The following CCDC148 variants were observed in gnomAD, a reference collection of about 807,000 sequenced individuals.
CCDC148 encodes the protein coiled-coil domain containing 148.
In CCDC148, 89 loss-of-function variants were observed where a neutral mutation model predicts 85.7. The observed-to-expected ratio is 1.04, with a 90% CI of 0.87 to 1.24. The LOEUF (loss-of-function observed/expected upper bound fraction) is 1.24, where lower values mean the gene tolerates loss of function less well. Among genes scored for constraint, CCDC148 ranks in the 50% most tolerant of loss-of-function variants. CCDC148 has a pLI of 0.00. For synonymous variants in CCDC148, 230 were observed against 213.9 expected (o/e 1.08, Z -0.66); for missense variants, 692 against 671.7 (o/e 1.03, Z -0.33).
chr2:158,382,412 T>C (rs967121222), intron 1 of CCDC148, among the ~76,000 whole-genome samples: 1 of 152,184 alleles, frequency 6.6e-6, no homozygotes, highest in Middle Eastern at 3.2e-3. Context: ...TGCCGACTTA[T>C]GTCTAGAAAA....
intron 1 of CCDC148, among the ~76,000 whole-genome samples, chr2:158,400,554 A>G (rs1259589990): frequency 6.6e-6 from 1 of 152,222 alleles, no homozygotes; most frequent in African/African-American, 2.4e-5. Context: ...TACAAAAATT[A>G]ACTCAAGATG....
intron 9 of CCDC148, among the ~76,000 whole-genome samples, chr2:158,290,545 T>C (rs987073041): frequency 2.0e-5 from 3 of 152,178 alleles, no homozygotes; most frequent in African/African-American, 7.2e-5. Flanking sequence ...TCTCAGGATT[T>C]GACTCAATTG....
At chr2:158,366,097 C>A in intron 1 of CCDC148, 1 of 1,449,772 alleles carries the variant, frequency 6.9e-7, no homozygotes, top group Non-Finnish European at 9.3e-7. Flanking sequence ...AACGAGAGAA[C>A]TAAAATTTCA....
chr2:158,180,445 T>C (rs1322479101), intron 11 of CCDC148, among the ~76,000 whole-genome samples: 2 of 152,120 alleles, frequency 1.3e-5, no homozygotes, highest in African/African-American at 2.4e-5. Flanking sequence ...GACCAATCAC[T>C]GCACTGTGGG....
chr2:158,442,093 G>T (rs1687958902), intron 1 of CCDC148, among the ~76,000 whole-genome samples: 1 of 152,054 alleles, frequency 6.6e-6, no homozygotes, highest in South Asian at 2.1e-4. Flanking sequence ...AAGACCTGCT[G>T]TATTTAAAAA....
intron 13 of CCDC148, among the ~76,000 whole-genome samples, chr2:158,175,605 A>G (rs74917450): frequency 0.06 from 9,051 of 152,068 alleles, 301 homozygotes; most frequent in Non-Finnish European, 0.081. Context: ...AGATCAGCCT[A>G]TCTTGCTCTG....
At chr2:158,254,700 T>C (rs182180244) in intron 9 of CCDC148, among the ~76,000 whole-genome samples, 31 of 151,752 alleles carry the variant, frequency 2.0e-4, no homozygotes, top group African/African-American at 7.5e-4. Flanking sequence ...TTTTTATAAA[T>C]TTTAATGAAA....
chr2:158,265,766 A>G (rs1167009273), intron 9 of CCDC148, among the ~76,000 whole-genome samples: 1 of 152,152 alleles, frequency 6.6e-6, no homozygotes, highest in Non-Finnish European at 1.5e-5. Context: ...TCTGTTGGGT[A>G]GCCAACATAT....
chr2:158,418,885 T>C (rs1349533848), intron 1 of CCDC148, among the ~76,000 whole-genome samples: 1 of 152,158 alleles, frequency 6.6e-6, no homozygotes, highest in Non-Finnish European at 1.5e-5. Flanking sequence ...GAGTGAATCA[T>C]TACGTGCGTG....
intron 1 of CCDC148, among the ~76,000 whole-genome samples, chr2:158,455,008 C>T (rs1287561417): frequency 6.6e-6 from 1 of 152,106 alleles, no homozygotes; most frequent in Non-Finnish European, 1.5e-5. Context: ...TTATTTTCTT[C>T]TTTCTATGCT....
At chr2:158,399,508 A>G (rs1685678615) in intron 1 of CCDC148, among the ~76,000 whole-genome samples, 1 of 152,202 alleles carries the variant, frequency 6.6e-6, no homozygotes, top group Non-Finnish European at 1.5e-5. Flanking sequence ...TCACATAAAC[A>G]GAACCAACGA....
intron 7 of CCDC148, among the ~76,000 whole-genome samples, chr2:158,329,822 G>C (rs1055171059): frequency 3.3e-5 from 5 of 152,128 alleles, no homozygotes; most frequent in African/African-American, 1.2e-4. Context: ...TCTGTTATTG[G>C]TGTATAAGAA....
intron 7 of CCDC148, among the ~76,000 whole-genome samples, chr2:158,324,021 A>T (rs536290132): frequency 7.1e-6 from 1 of 140,542 alleles, no homozygotes; most frequent in South Asian, 2.2e-4. Flanking sequence ...GGCTCAAGCG[A>T]TTCTTCTGCC....
intron 11 of CCDC148, among the ~76,000 whole-genome samples, chr2:158,193,436 C>T (rs915168296): frequency 2.0e-5 from 3 of 152,068 alleles, no homozygotes; most frequent in Non-Finnish European, 4.4e-5. Context: ...GAGGGTATGG[C>T]TTGTGGAGTA....
chr2:158,177,461 T>C (rs920167759), intron 12 of CCDC148, among the ~76,000 whole-genome samples: 3 of 152,148 alleles, frequency 2.0e-5, no homozygotes, highest in African/African-American at 7.2e-5. Flanking sequence ...TTAGGTTTGC[T>C]AGCTAAAATA....
chr2:158,180,735 T>TA (rs2105263266), intron 11 of CCDC148, among the ~76,000 whole-genome samples: 1 of 152,032 alleles, frequency 6.6e-6, no homozygotes, highest in South Asian at 2.1e-4. Flanking sequence ...TGGGGAGGAA[T>TA]ACCCCAGAAA....
At chr2:158,225,421 C>T (rs1269827852) in intron 10 of CCDC148, among the ~76,000 whole-genome samples, 1 of 152,016 alleles carries the variant, frequency 6.6e-6, no homozygotes, top group African/African-American at 2.4e-5. Context: ...ACAAGGATAT[C>T]CAGGACTTGA....
At chr2:158,288,884 G>A in intron 9 of CCDC148, 1 of 298,346 alleles carries the variant, frequency 3.4e-6, no homozygotes, top group Non-Finnish European at 6.6e-6. Flanking sequence ...CACATGGCAG[G>A]GGAGGCCTCA....
intron 7 of CCDC148, among the ~76,000 whole-genome samples, chr2:158,332,771 T>C (rs571665001): frequency 6.6e-6 from 1 of 151,962 alleles, no homozygotes; most frequent in East Asian, 1.9e-4. Flanking sequence ...GAGGGTGTAT[T>C]TGTCCAGGAA....
Sources: gnomAD v4.1 joint callset for allele counts (sites outside exome capture counted in the v4.1 genomes callset) on GRCh38, gnomAD v4.1.1 for gene constraint, MANE v1.5 for transcripts, NCBI Gene and HGNC (gene_info 2026-07-23, HGNC 2026-07-21) for gene names.